The following ARHGAP15 variants were observed in gnomAD, a reference collection of about 807,000 sequenced individuals.
ARHGAP15 encodes Rho GTPase activating protein 15.
Under a neutral mutation model 63.7 loss-of-function variants are expected in ARHGAP15, and 51 were observed. The observed-to-expected ratio is 0.80, with a 90% CI of 0.64 to 1.01. ARHGAP15 has a LOEUF of 1.01. Ranked by LOEUF, ARHGAP15 falls within the 50% of genes least tolerant of loss-of-function variation. The probability of loss-of-function intolerance (pLI) is 0.00; values close to 1 mark genes in which losing one functional copy is unlikely to be tolerated. For synonymous variants in ARHGAP15, 191 were observed against 193.8 expected (o/e 0.99, Z 0.12); for missense variants, 560 against 564.6 (o/e 0.99, Z 0.08).
rs535790626 is a variant in ARHGAP15 at position 143,330,774 on chromosome 2, A to G, written c.474+80174A>G. ...GGATGAGTTGTAATTTTCCATTTCT[A>G]AAGTAATATGTTTGGTAACTGTCAA... On this transcript the variant is annotated intron_variant, in intron 6 of 13. Coordinates refer to ENST00000295095, the MANE Select transcript of ARHGAP15 (RefSeq NM_018460.4). Among the ~76,000 whole-genome samples, 5 of 152,330 alleles carry G rather than the reference A, an allele frequency of 3.3e-5. No homozygotes were observed. In the South Asian group the frequency reaches 1.0e-3, roughly 32 times the overall value.
At chr2:143,579,781 T>C (rs1193538386) in intron 11 of ARHGAP15, among the ~76,000 whole-genome samples, 1 of 151,936 alleles carries the variant, frequency 6.6e-6, no homozygotes, top group East Asian at 1.9e-4. Flanking sequence ...GGTATAATTT[T>C]AAGTGGGCAA....
At chr2:143,631,393 T>C (rs1699064322) in intron 12 of ARHGAP15, among the ~76,000 whole-genome samples, 1 of 152,108 alleles carries the variant, frequency 6.6e-6, no homozygotes, top group African/African-American at 2.4e-5. Flanking sequence ...TTTAAGAAAT[T>C]GCTAAGCTGT....
chr2:143,303,611 C>T (rs906667063), intron 6 of ARHGAP15, among the ~76,000 whole-genome samples: 1 of 152,068 alleles, frequency 6.6e-6, no homozygotes, highest in African/African-American at 2.4e-5. Context: ...CCAAAATTGA[C>T]AAATGAGATC....
chr2:143,407,213 T>C (rs968221658), intron 6 of ARHGAP15, among the ~76,000 whole-genome samples: 1 of 151,956 alleles, frequency 6.6e-6, no homozygotes, highest in Non-Finnish European at 1.5e-5. Context: ...GTTTTCTTAG[T>C]TTAATCTCTT....
At chr2:143,316,065 G>A (rs1683689883) in intron 6 of ARHGAP15, among the ~76,000 whole-genome samples, 1 of 151,964 alleles carries the variant, frequency 6.6e-6, no homozygotes, top group Admixed American at 6.6e-5. Context: ...CATCCTGGGA[G>A]ACAAGAGCGA....
intron 8 of ARHGAP15, among the ~76,000 whole-genome samples, chr2:143,469,012 G>A (rs12478952): frequency 0.2 from 30,029 of 151,962 alleles, 3,843 homozygotes; most frequent in East Asian, 0.7. Flanking sequence ...AGATCATCTG[G>A]AACTGACCCT....
At chr2:143,272,525 C>A (rs188807406) in intron 6 of ARHGAP15, among the ~76,000 whole-genome samples, 1 of 151,942 alleles carries the variant, frequency 6.6e-6, no homozygotes, top group Non-Finnish European at 1.5e-5. Context: ...TAGTGGTGGG[C>A]GCCTGTAATC....
rs1693910146 is a variant in ARHGAP15, at chr2:143,242,703, A to G, written c.385-7808A>G. Among the ~76,000 whole-genome samples, 3 of 152,214 alleles carry G rather than the reference A, an allele frequency of 2.0e-5. No homozygotes were observed. In the South Asian group the frequency reaches 6.2e-4, roughly 31 times the overall value. On this transcript the variant is annotated intron_variant, in intron 5 of 13. Transcript: ENST00000295095. ...ATTAACATCATTTATATTCATATACATAAAACCCACATCTTATAATCAAAG... is the reference window on the plus strand; with the variant it reads ...ATTAACATCATTTATATTCATATACGTAAAACCCACATCTTATAATCAAAG...
At chr2:143,160,132 T>C (rs1249040445) in intron 2 of ARHGAP15, among the ~76,000 whole-genome samples, 1 of 151,926 alleles carries the variant, frequency 6.6e-6, no homozygotes, top group East Asian at 1.9e-4. Context: ...TTTCTTTTCC[T>C]TTTATCTAGC....
intron 8 of ARHGAP15, among the ~76,000 whole-genome samples, chr2:143,486,794 T>C (rs575783993): frequency 6.6e-6 from 1 of 152,234 alleles, no homozygotes; most frequent in South Asian, 2.1e-4. Context: ...AATGAAGACA[T>C]GGAAAAAGTT....
chr2:143,696,507 T>C lies in ARHGAP15; in HGVS notation c.1139-6912T>C, dbSNP rs145414455. 1.7e-3 allele frequency among the ~76,000 whole-genome samples: 258 copies of C among 152,188 alleles called. 1 individual carries two copies. The highest frequency in any genetic ancestry group is 3.1e-3 in the Non-Finnish European group (213 of 68,000). On this transcript the variant is annotated intron_variant, in intron 12 of 13. Transcript: ENST00000295095. ...ATTCTTAACATCCCTCCTAAGAGCA[T>C]GCTGTACATGGTCTAATTCCTTCGG...
intron 12 of ARHGAP15, among the ~76,000 whole-genome samples, chr2:143,651,929 T>C (rs995812219): frequency 3.3e-5 from 5 of 152,006 alleles, no homozygotes; most frequent in Admixed American, 6.6e-5. Context: ...ATTATAGAGT[T>C]TTGAGAGTTA....
chr2:143,597,268 GAAAT>G (rs1158281316), intron 11 of ARHGAP15, among the ~76,000 whole-genome samples: 1 of 151,582 alleles, frequency 6.6e-6, no homozygotes, highest in African/African-American at 2.4e-5. Flanking sequence ...TTATAATAAA[GAAAT>G]AAAAATATAA....
intron 11 of ARHGAP15, among the ~76,000 whole-genome samples, chr2:143,564,916 T>A (rs560856497): frequency 1.3e-5 from 2 of 152,298 alleles, no homozygotes; most frequent in Admixed American, 1.3e-4. Flanking sequence ...GTAAATAATA[T>A]GAAAAATGTA....
At chr2:143,290,101 A>G (rs74654192) in intron 6 of ARHGAP15, among the ~76,000 whole-genome samples, 9,601 of 152,220 alleles carry the variant, frequency 0.063, 433 homozygotes, top group East Asian at 0.21. Context: ...ACCAAGCAAC[A>G]GCCAAGCTCA....
chr2:143,345,779 G>A (rs376420621), intron 6 of ARHGAP15, among the ~76,000 whole-genome samples: 1 of 152,058 alleles, frequency 6.6e-6, no homozygotes, highest in Non-Finnish European at 1.5e-5. Context: ...GAATAGAATT[G>A]TACATATATG....
chr2:143,633,499 G>A (rs949296712), intron 12 of ARHGAP15, among the ~76,000 whole-genome samples: 1 of 152,024 alleles, frequency 6.6e-6, no homozygotes, highest in African/African-American at 2.4e-5. Flanking sequence ...TAGAAAATGT[G>A]GTGCTTGTCT....
At chr2:143,214,665 T>C (rs1034234050) in intron 3 of ARHGAP15, among the ~76,000 whole-genome samples, 2 of 152,192 alleles carry the variant, frequency 1.3e-5, no homozygotes, top group African/African-American at 4.8e-5. Flanking sequence ...GATATGGAGA[T>C]AAGTAAAAAA....
intron 6 of ARHGAP15, among the ~76,000 whole-genome samples, chr2:143,342,693 G>C (rs1685111287): frequency 6.6e-6 from 1 of 152,002 alleles, no homozygotes; most frequent in African/African-American, 2.4e-5. Flanking sequence ...AAGTCTGTGT[G>C]TCAGAAACTA....
Sources: allele counts gnomAD v4.1 joint callset (sites outside exome capture counted in the v4.1 genomes callset), GRCh38; gene constraint gnomAD v4.1.1; transcripts MANE v1.5; gene names NCBI Gene and HGNC (gene_info 2026-07-23, HGNC 2026-07-21).